The following AHCYL1 variants were observed in gnomAD, a reference collection of about 807,000 sequenced individuals.
AHCYL1 encodes S-adenosylhomocysteine hydrolase-like protein 1.
Under a neutral mutation model 79.3 loss-of-function variants are expected in AHCYL1, and 20 were observed. The ratio of observed to expected loss-of-function variants is 0.25; its 90% CI spans 0.18 to 0.37. The LOEUF is 0.37. Among genes scored for constraint, AHCYL1 ranks in the 10% least tolerant of loss-of-function variants. The pLI is 1.00. For synonymous variants in AHCYL1, 223 were observed against 242.2 expected (o/e 0.92, Z 0.74); for missense variants, 330 against 673.6 (o/e 0.49, Z 5.65).
At chr1:110,021,544 T>C (rs1255513297) in intron 16 of AHCYL1, 130 bp from the exon 17 acceptor site, 1 of 763,058 alleles carries the variant, frequency 1.3e-6, no homozygotes, top group Non-Finnish European at 2.2e-6. Context: ...ACTGGTGCCC[T>C]GGGGAATGAC....
chr1:110,007,400 G>T (rs1019435314), intron 1 of AHCYL1, among the ~76,000 whole-genome samples: 3 of 152,180 alleles, frequency 2.0e-5, no homozygotes, highest in Admixed American at 6.5e-5. Flanking sequence ...TATTGAGTTG[G>T]AAGTCATTAC....
At chr1:110,001,258 CTCACTGCAACCTCTGCCTCCCAGG>C (rs1382191651) in intron 1 of AHCYL1, among the ~76,000 whole-genome samples, 2 of 151,870 alleles carry the variant, frequency 1.3e-5, no homozygotes, top group Non-Finnish European at 2.9e-5. Context: ...ATGATCTCAG[CTCACTGCAACCTCTGCCTCCCAGG>C]TTCAAGCGAT....
At chr1:109,992,408 CAAAAAAAAAAAA>C (rs57891226) in intron 1 of AHCYL1, among the ~76,000 whole-genome samples, 1 of 72,774 alleles carries the variant, frequency 1.4e-5, no homozygotes, top group Non-Finnish European at 3.1e-5. Context: ...GACTCCGTCT[CAAAAAAAAAAAA>C]AAAAAAAAAA....
chr1:110,000,123 G>T (rs1267298554), intron 1 of AHCYL1, among the ~76,000 whole-genome samples: 3 of 152,162 alleles, frequency 2.0e-5, no homozygotes, highest in African/African-American at 7.2e-5. Flanking sequence ...TATATTCTCT[G>T]TTGCATGTTT....
rs192719157 is a variant in AHCYL1, at chr1:109,994,357, G to A, written c.120+9185G>A. Among the ~76,000 whole-genome samples, 87 of 152,314 alleles carry A rather than the reference G, an allele frequency of 5.7e-4. No individual in the cohort carries two copies. The East Asian group carries it at 0.016, about 27-fold the overall frequency. Reference sequence around the variant, plus strand: ...GGCTCACTGCAATCTCCACCTCCCGGGTTCAAACAGTTCTCCTGCCTCAGC... The same window carrying A: ...GGCTCACTGCAATCTCCACCTCCCGAGTTCAAACAGTTCTCCTGCCTCAGC... On this transcript the variant is annotated intron_variant, in intron 1 of 16. Transcript: ENST00000369799.
chr1:110,016,776 A>C lies in AHCYL1; in HGVS notation c.963+46A>C, dbSNP rs556651308. On this transcript the variant is annotated intron_variant, in intron 9 of 16. Coordinates refer to ENST00000369799, the MANE Select transcript of AHCYL1 (RefSeq NM_006621.7). ...GTCTCTTTCTTTTTGTGTACTTATT[A>C]GAAATATTGGGTAAAGGAGGCTTGT... is the stretch of plus-strand genomic sequence containing the variant. The C allele has an allele frequency of 8.1e-6, 13 of 1,610,044 alleles. No homozygotes were observed. The African/African-American group carries it at 1.7e-4, about 22-fold the overall frequency.
At position 110,022,583 on chromosome 1, in the gene AHCYL1, C is replaced by T. The variant is rs1289623819; in HGVS notation, c.*903C>T. On this transcript the variant is annotated 3_prime_UTR_variant, in exon 17 of 17. Transcript: ENST00000369799. The stretch of plus-strand genomic sequence containing the variant: ...CATCAGTGAACTGGAGCCACAACAG[C>T]AAATTCTATCAGCTGTGTACCATAC... 1 of 152,582 alleles carries T rather than the reference C, an allele frequency of 6.6e-6. No individual in the cohort carries two copies. Among genetic ancestry groups the T allele is most frequent in the Non-Finnish European group, 1.5e-5 (1 of 68,040 alleles). 9.5% of individuals were successfully genotyped at this position (152,582 alleles called of 1,614,324 possible).
intron 3 of AHCYL1, 40 bp downstream of exon 3, chr1:110,011,397 T>C (rs749245874): frequency 4.4e-6 from 7 of 1,604,306 alleles, no homozygotes; most frequent in Non-Finnish European, 6.0e-6. Context: ...GAAACAACCC[T>C]CTTGTTGGCC....
intron 1 of AHCYL1, among the ~76,000 whole-genome samples, chr1:109,999,750 T>C (rs943845913): frequency 6.6e-6 from 1 of 152,112 alleles, no homozygotes; most frequent in Non-Finnish European, 1.5e-5. Flanking sequence ...ATACAACATT[T>C]ATTTTATTTT....
intron 1 of AHCYL1, chr1:109,995,582 C>T: frequency 1.3e-6 from 1 of 771,890 alleles, no homozygotes; most frequent in Non-Finnish European, 1.6e-6. Context: ...GCATTTGTTC[C>T]CTGTATTGGA....
At chr1:110,009,209 C>A in intron 2 of AHCYL1, 64 bp downstream of exon 2, 1 of 1,419,370 alleles carries the variant, frequency 7.0e-7, no homozygotes, top group Non-Finnish European at 9.8e-7. Flanking sequence ...CAGTGCTCTT[C>A]ACTTAGCAAT....
At chr1:110,007,656 T>C (rs1650742204) in intron 1 of AHCYL1, among the ~76,000 whole-genome samples, 1 of 152,220 alleles carries the variant, frequency 6.6e-6, no homozygotes. Context: ...GCCAGTATTA[T>C]ACAGAGAAGA....
chr1:110,008,171 GCCA>G (rs1650786454), intron 1 of AHCYL1, among the ~76,000 whole-genome samples: 1 of 151,770 alleles, frequency 6.6e-6, no homozygotes, highest in Non-Finnish European at 1.5e-5. Flanking sequence ...ACAGGCACCC[GCCA>G]CCAAGCCCAG....
rs895659135 is a variant in AHCYL1, at chr1:109,984,780, T to C, written c.-273T>C. The stretch of plus-strand genomic sequence containing the variant: ...CTCTACCCTCGCTTTGCGTGCGTGT[T>C]TGCGTACAGCGGAGGTGGCGGCGCG... On this transcript the variant is annotated 5_prime_UTR_variant, in exon 1 of 17. Transcript: ENST00000369799. The C allele has an allele frequency of 1.6e-5, 5 of 312,788 alleles. No homozygotes were observed. Among genetic ancestry groups the C allele is most frequent in the African/African-American group, 6.7e-5 (3 of 45,060 alleles). 19.4% of individuals were successfully genotyped at this position (312,788 alleles called of 1,614,324 possible).
In AHCYL1 at chr1:109,993,477, G is replaced by A. The variant is rs140975284; in HGVS notation, c.120+8305G>A. Reference sequence around the variant, plus strand: ...ATGCTTATTGAATAAAATAATGTGAGATAATCATTCCTTGGAGAAAGTAAG... The same window carrying A: ...ATGCTTATTGAATAAAATAATGTGAAATAATCATTCCTTGGAGAAAGTAAG... On this transcript the variant is annotated intron_variant, in intron 1 of 16. Coordinates refer to ENST00000369799, the MANE Select transcript of AHCYL1 (RefSeq NM_006621.7). Among the ~76,000 whole-genome samples, 604 of 152,316 alleles carry A rather than the reference G, an allele frequency of 4.0e-3. 4 individuals are homozygous for A. The highest frequency in any genetic ancestry group is 0.014 in the African/African-American group (570 of 41,580).
Position 110,017,986 on chromosome 1 carries a change from C to T in AHCYL1, c.1093C>T (p.Arg365Trp), listed in dbSNP as rs755542201. 11 of 1,614,148 alleles carry T rather than the reference C, an allele frequency of 6.8e-6. No homozygotes were observed. The highest frequency in any genetic ancestry group is 1.1e-5 in the South Asian group (1 of 91,064). Reference sequence around the variant, plus strand: ...GGTGGTAAAGCTAAATGAAGTCATCCGGCAAGTCGATGTCGTAATAACTTG... The same window carrying T: ...GGTGGTAAAGCTAAATGAAGTCATCTGGCAAGTCGATGTCGTAATAACTTG... The part of the protein sequence containing the change: ...FRVVKLNEVI[R>W]QVDVVITCTG... The change falls in exon 11 of 17, where the codon CGG becomes TGG. Residue 365 changes from arginine to tryptophan, a missense_variant. Coordinates refer to ENST00000369799, the MANE Select transcript of AHCYL1 (RefSeq NM_006621.7).
rs1649384040 is a variant in AHCYL1 at position 109,984,989 on chromosome 1, G to T, written c.-64G>T. ...CGGAGGGCGCCGCGCGGGCAGGCGG[G>T]CGGGCGCCAGAGGGGGAAAGAGGCG... On this transcript the variant is annotated 5_prime_UTR_variant, in exon 1 of 17. Coordinates refer to ENST00000369799, the MANE Select transcript of AHCYL1 (RefSeq NM_006621.7). 7.2e-7 allele frequency: 1 copy of T among 1,392,652 alleles called. No homozygotes were observed. Among genetic ancestry groups the T allele is most frequent in the Non-Finnish European group, 9.3e-7 (1 of 1,074,336 alleles). The allele number at this position is 1,392,652 out of a possible 1,614,324, so 86.3% of individuals were successfully genotyped here.
intron 2 of AHCYL1, among the ~76,000 whole-genome samples, chr1:110,010,371 G>T (rs531804362): frequency 6.6e-6 from 1 of 152,318 alleles, no homozygotes; most frequent in African/African-American, 2.4e-5. Context: ...CAGAAACCGT[G>T]ATGAGGAAAG....
At chr1:110,000,601 TAAGCTCAGA>T (rs1420258041) in intron 1 of AHCYL1, among the ~76,000 whole-genome samples, 1 of 152,198 alleles carries the variant, frequency 6.6e-6, no homozygotes, top group Non-Finnish European at 1.5e-5. Flanking sequence ...TCTGGTGTTA[TAAGCTCAGA>T]AAGCTTATAG....
Sources: gnomAD v4.1 joint callset for allele counts (sites outside exome capture counted in the v4.1 genomes callset) on GRCh38, gnomAD v4.1.1 for gene constraint, MANE v1.5 for transcripts, NCBI Gene and HGNC (gene_info 2026-07-23, HGNC 2026-07-21) for gene names.